GYPC: variants seen among roughly 807,000 people sequenced by gnomAD.
The protein encoded by GYPC is glycophorin-C.
Under a neutral mutation model 12.6 loss-of-function variants are expected in GYPC, and 14 were observed. The observed-to-expected ratio is 1.11, with a 90% CI of 0.74 to 1.74. The LOEUF is 1.74. Ranked by LOEUF, GYPC falls within the 40% of genes most tolerant of loss-of-function variation. GYPC has a pLI of 0.00. For missense variants in GYPC, 225 were observed against 172.1 expected (o/e 1.31, Z -1.72); for synonymous variants, 78 against 62.1 (o/e 1.26, Z -1.20).
intron 1 of GYPC, among the ~76,000 whole-genome samples, chr2:126,687,298 A>G (rs1297730384): frequency 6.6e-6 from 1 of 152,200 alleles, no homozygotes; most frequent in East Asian, 1.9e-4. Flanking sequence ...TTACACCAGC[A>G]CTTCCCAGCC....
chr2:126,686,391 A>G, intron 1 of GYPC: 1 of 985,682 alleles, frequency 1.0e-6, no homozygotes, highest in Non-Finnish European at 1.2e-6. Flanking sequence ...CTTCTGCCAG[A>G]GAATGGACAG....
At chr2:126,695,068 G>T (rs567438092) in intron 3 of GYPC, among the ~76,000 whole-genome samples, 2 of 152,130 alleles carry the variant, frequency 1.3e-5, no homozygotes, top group Non-Finnish European at 2.9e-5. Context: ...CAGCAGATTC[G>T]CCCCGTCCTC....
chr2:126,693,994 T>G, intron 3 of GYPC, 47 bp downstream of exon 3: 1 of 1,293,110 alleles, frequency 7.7e-7, no homozygotes, highest in Non-Finnish European at 1.1e-6. Context: ...GTGGGGGGCC[T>G]TGGTGAAAAC....
At chr2:126,694,215 G>A (rs1197370625) in intron 3 of GYPC, among the ~76,000 whole-genome samples, 3 of 152,182 alleles carry the variant, frequency 2.0e-5, no homozygotes, top group African/African-American at 4.8e-5. Flanking sequence ...AGAGGCAGCA[G>A]TTTTGGTGAA....
At chr2:126,671,762 G>A (rs1169437617) in intron 1 of GYPC, among the ~76,000 whole-genome samples, 1 of 152,214 alleles carries the variant, frequency 6.6e-6, no homozygotes, top group Non-Finnish European at 1.5e-5. Context: ...ATCCCAAGAG[G>A]ACCTCACACT....
At chr2:126,695,337 A>T (rs1168368193) in intron 3 of GYPC, among the ~76,000 whole-genome samples, 1 of 152,162 alleles carries the variant, frequency 6.6e-6, no homozygotes, top group African/African-American at 2.4e-5. Flanking sequence ...TAGTAGCAGA[A>T]CTGTGAGGAA....
intron 2 of GYPC, among the ~76,000 whole-genome samples, chr2:126,691,488 A>T (rs904400154): frequency 4.6e-5 from 7 of 152,114 alleles, no homozygotes; most frequent in Admixed American, 3.9e-4. Context: ...GACTCACCCC[A>T]GTCCTCAATC....
intron 1 of GYPC, chr2:126,686,312 T>G: frequency 1.0e-6 from 1 of 985,678 alleles, no homozygotes; most frequent in Non-Finnish European, 1.2e-6. Flanking sequence ...AGCTGCCAAC[T>G]GAAGCAGAGA....
At chr2:126,670,949 T>A (rs1682836506) in intron 1 of GYPC, among the ~76,000 whole-genome samples, 1 of 152,224 alleles carries the variant, frequency 6.6e-6, no homozygotes, top group African/African-American at 2.4e-5. Flanking sequence ...AACTATTTAC[T>A]GTCCAGCCCT....
chr2:126,668,350 A>G (rs1466099085), intron 1 of GYPC, among the ~76,000 whole-genome samples: 1 of 152,194 alleles, frequency 6.6e-6, no homozygotes, highest in Non-Finnish European at 1.5e-5. Context: ...CTCACTCCCG[A>G]GACAAGTTTG....
chr2:126,675,765 T>G, intron 1 of GYPC: 1 of 695,988 alleles, frequency 1.4e-6, no homozygotes, highest in African/African-American at 1.9e-5. Context: ...TAATAAAATT[T>G]ATTAGTGATA....
At chr2:126,679,149 A>G (rs1683091608) in intron 1 of GYPC, among the ~76,000 whole-genome samples, 1 of 152,250 alleles carries the variant, frequency 6.6e-6, no homozygotes, top group South Asian at 2.1e-4. Flanking sequence ...AGCACGCAGC[A>G]TCTGTCTGGG....
In GYPC at chr2:126,687,214, A is replaced by G. The variant is rs149690284; in HGVS notation, c.50-3041A>G. The stretch of plus-strand genomic sequence containing the variant: ...GCTGAGCTCTCTGCCTGGAATGCTT[A>G]TAGGCTTTGTGCAGCAAACTCCTAT... On this transcript the variant is annotated intron_variant, in intron 1 of 3. Transcript: ENST00000259254. Among the ~76,000 whole-genome samples, 219 of 152,314 alleles carry G rather than the reference A, an allele frequency of 1.4e-3. 1 individual carries two copies. Among genetic ancestry groups the G allele is most frequent in the African/African-American group, 5.0e-3 (209 of 41,564 alleles).
chr2:126,677,689 G>A (rs1683045210), intron 1 of GYPC, among the ~76,000 whole-genome samples: 1 of 152,102 alleles, frequency 6.6e-6, no homozygotes, highest in African/African-American at 2.4e-5. Context: ...TGTGTTGCCT[G>A]CCGTAATCCT....
At chr2:126,677,935 C>T (rs559101360) in intron 1 of GYPC, among the ~76,000 whole-genome samples, 1 of 152,322 alleles carries the variant, frequency 6.6e-6, no homozygotes, top group East Asian at 1.9e-4. Flanking sequence ...AAAATGTCCC[C>T]CATCGGCCGG....
chr2:126,696,364 C>T lies in GYPC; in HGVS notation c.*222C>T, dbSNP rs1258523701. 7 of 548,054 alleles carry T rather than the reference C, an allele frequency of 1.3e-5. No homozygotes were observed. The East Asian group carries it at 1.6e-4, about 13-fold the overall frequency. 33.9% of individuals were successfully genotyped at this position (548,054 alleles called of 1,614,324 possible). Reference sequence around the variant, plus strand: ...CAGGGACCCAGGGAGGCGATGGCCACCCCAGAGGCCACCTTTTGCTCCACG... The same window carrying T: ...CAGGGACCCAGGGAGGCGATGGCCATCCCAGAGGCCACCTTTTGCTCCACG... On this transcript the variant is annotated 3_prime_UTR_variant, in exon 4 of 4. Transcript: ENST00000259254.
intron 1 of GYPC, among the ~76,000 whole-genome samples, chr2:126,657,153 C>T (rs1682385544): frequency 6.6e-6 from 1 of 152,216 alleles, no homozygotes; most frequent in South Asian, 2.1e-4. Context: ...GAGACACCAA[C>T]TCTTTTATAA....
chr2:126,668,153 A>C (rs1239869381), intron 1 of GYPC, among the ~76,000 whole-genome samples: 2 of 152,180 alleles, frequency 1.3e-5, no homozygotes, highest in African/African-American at 2.4e-5. Flanking sequence ...CACACACACA[A>C]AAGAGCGTCA....
intron 1 of GYPC, among the ~76,000 whole-genome samples, chr2:126,661,738 G>A (rs772954278): frequency 6.6e-6 from 1 of 152,050 alleles, no homozygotes; most frequent in Non-Finnish European, 1.5e-5. Flanking sequence ...TTACAGGCAT[G>A]AGCCACTGTG....
Sources: allele counts gnomAD v4.1 joint callset (sites outside exome capture counted in the v4.1 genomes callset), GRCh38; gene constraint gnomAD v4.1.1; transcripts MANE v1.5; gene names NCBI Gene and HGNC (gene_info 2026-07-23, HGNC 2026-07-21).